ZFPM2: variants seen among roughly 807,000 people sequenced by gnomAD.
ZFPM2 encodes zinc finger protein ZFPM2.
A neutral mutation model predicts 98.6 loss-of-function variants in ZFPM2; 20 were observed. The observed-to-expected ratio is 0.20, with a 90% CI of 0.14 to 0.29. ZFPM2 has a LOEUF of 0.29. Ranked by LOEUF, ZFPM2 falls within the 10% of genes least tolerant of loss-of-function variation. ZFPM2 has a pLI of 1.00. For missense variants in ZFPM2, 1,310 were observed against 1,388.6 expected (o/e 0.94, Z 0.90); for synonymous variants, 518 against 502.7 (o/e 1.03, Z -0.41).
chr8:105,351,832 A>C (rs1036302801), intron 1 of ZFPM2, among the ~76,000 whole-genome samples: 3 of 152,058 alleles, frequency 2.0e-5, no homozygotes, highest in Non-Finnish European at 4.4e-5. Context: ...TTTGGAAAAA[A>C]GGCTCTATTT....
intron 5 of ZFPM2, among the ~76,000 whole-genome samples, chr8:105,698,940 T>C (rs1050816504): frequency 2.6e-5 from 4 of 152,160 alleles, no homozygotes; most frequent in African/African-American, 7.2e-5. Context: ...CTATATTCTT[T>C]TGAGGGCCTG....
At chr8:105,672,309 A>T (rs1817612012) in intron 5 of ZFPM2, among the ~76,000 whole-genome samples, 1 of 151,836 alleles carries the variant, frequency 6.6e-6, no homozygotes, top group African/African-American at 2.4e-5. Context: ...ACTGTATTAC[A>T]TTTATAAATA....
intron 5 of ZFPM2, chr8:105,663,010 C>G (rs1817422553): frequency 6.6e-6 from 1 of 152,196 alleles, no homozygotes; most frequent in Admixed American, 6.5e-5. Context: ...ATGCAGATAA[C>G]TAATGCATTG....
chr8:105,402,143 A>G (rs1035529775), intron 1 of ZFPM2, among the ~76,000 whole-genome samples: 1 of 152,046 alleles, frequency 6.6e-6, no homozygotes, highest in African/African-American at 2.4e-5. Flanking sequence ...ATGTGATGCC[A>G]GTATTATCAG....
intron 3 of ZFPM2, among the ~76,000 whole-genome samples, chr8:105,501,435 T>C (rs1813594014): frequency 1.3e-5 from 2 of 152,010 alleles, no homozygotes; most frequent in Admixed American, 1.3e-4. Context: ...TCCACCCGCC[T>C]GGGCCTCCCA....
At chr8:105,676,551 C>T (rs1391721717) in intron 5 of ZFPM2, among the ~76,000 whole-genome samples, 1 of 151,808 alleles carries the variant, frequency 6.6e-6, no homozygotes, top group Admixed American at 6.6e-5. Context: ...TTCTTTTCAT[C>T]TGTTTTGTTG....
intron 3 of ZFPM2, among the ~76,000 whole-genome samples, chr8:105,482,816 C>T (rs1351759215): frequency 6.6e-6 from 1 of 152,002 alleles, no homozygotes. Context: ...TTTTGTTTAT[C>T]TGCTTATTTA....
intron 1 of ZFPM2, among the ~76,000 whole-genome samples, chr8:105,403,848 G>T (rs963718423): frequency 2.0e-5 from 3 of 152,130 alleles, no homozygotes; most frequent in South Asian, 2.1e-4. Context: ...GCCAGGCACA[G>T]ATAGATACTC....
In ZFPM2 at chr8:105,514,290, A is replaced by C. The variant is rs2130519072; in HGVS notation, c.302-47073A>C. On this transcript the variant is annotated intron_variant, in intron 3 of 7. Coordinates refer to ENST00000407775, the MANE Select transcript of ZFPM2 (RefSeq NM_012082.4). ...AGTGCTGGGATTACAGGCGTGAGCC[A>C]CCGTTCCTGGTCGTGTCTTTTTTTT... 2.8e-5 allele frequency among the ~76,000 whole-genome samples: 4 copies of C among 144,256 alleles called. No homozygotes were observed. The Middle Eastern group carries it at 0.012, about 436-fold the overall frequency. 94.6% of individuals were successfully genotyped at this position (144,256 alleles called of 152,430 possible).
chr8:105,487,762 A>ATCATCG (rs1273087723), intron 3 of ZFPM2, among the ~76,000 whole-genome samples: 1 of 152,182 alleles, frequency 6.6e-6, no homozygotes, highest in Non-Finnish European at 1.5e-5. Context: ...TACCATCATC[A>ATCATCG]TCATCGTCAT....
chr8:105,480,129 A>G (rs1344796954), intron 3 of ZFPM2, among the ~76,000 whole-genome samples: 1 of 152,136 alleles, frequency 6.6e-6, no homozygotes, highest in Non-Finnish European at 1.5e-5. Context: ...TCTCATAGGT[A>G]GCTGCTCTTA....
intron 5 of ZFPM2, among the ~76,000 whole-genome samples, chr8:105,694,205 C>A (rs1419754726): frequency 6.6e-6 from 1 of 151,784 alleles, no homozygotes; most frequent in Non-Finnish European, 1.5e-5. Context: ...CCAGGATGGT[C>A]TCAATCTCCT....
At chr8:105,725,887 G>A (rs1345601252) in intron 5 of ZFPM2, among the ~76,000 whole-genome samples, 3 of 151,636 alleles carry the variant, frequency 2.0e-5, no homozygotes, top group Non-Finnish European at 2.9e-5. Flanking sequence ...GAGGGCCATT[G>A]GGTCTATGAT....
chr8:105,404,585 G>T (rs1302951630), intron 1 of ZFPM2, among the ~76,000 whole-genome samples: 1 of 151,926 alleles, frequency 6.6e-6, no homozygotes, highest in Non-Finnish European at 1.5e-5. Context: ...AGCTCACTTC[G>T]AGTCATGTTA....
chr8:105,630,581 A>T (rs1397222990), intron 4 of ZFPM2, among the ~76,000 whole-genome samples: 2 of 152,176 alleles, frequency 1.3e-5, no homozygotes, highest in African/African-American at 4.8e-5. Flanking sequence ...TAATAAATCC[A>T]ATTCTACTTG....
chr8:105,687,671 A>C (rs2130931570), intron 5 of ZFPM2, among the ~76,000 whole-genome samples: 1 of 152,290 alleles, frequency 6.6e-6, no homozygotes, highest in African/African-American at 2.4e-5. Context: ...TAAATCAAAT[A>C]GATGAAATAT....
chr8:105,637,293 A>T (rs541735802), intron 5 of ZFPM2, among the ~76,000 whole-genome samples: 1 of 152,062 alleles, frequency 6.6e-6, no homozygotes, highest in African/African-American at 2.4e-5. Context: ...AATCAAAACC[A>T]CTCGGGCTTT....
chr8:105,486,833 T>A (rs1813239008), intron 3 of ZFPM2, among the ~76,000 whole-genome samples: 1 of 152,192 alleles, frequency 6.6e-6, no homozygotes, highest in South Asian at 2.1e-4. Context: ...GATTATACTT[T>A]TTTCCTCTGT....
chr8:105,344,973 A>T (rs1170409808), intron 1 of ZFPM2, among the ~76,000 whole-genome samples: 1 of 152,178 alleles, frequency 6.6e-6, no homozygotes, highest in Admixed American at 6.6e-5. Context: ...GACACTGAGC[A>T]CTCAAATCCA....
Sources: gnomAD v4.1 joint callset for allele counts (sites outside exome capture counted in the v4.1 genomes callset) on GRCh38, gnomAD v4.1.1 for gene constraint, MANE v1.5 for transcripts, NCBI Gene and HGNC (gene_info 2026-07-23, HGNC 2026-07-21) for gene names.